Variants in BNIPL observed in about 807,000 individuals in gnomAD.
The protein encoded by BNIPL is BCL2 interacting protein like.
In BNIPL, 33 loss-of-function variants were observed where a neutral mutation model predicts 47.0. The observed-to-expected ratio is 0.70, with a 90% CI of 0.53 to 0.94. The LOEUF (loss-of-function observed/expected upper bound fraction) is 0.94, where lower values mean the gene tolerates loss of function less well. BNIPL is among the 40% of genes least tolerant of loss of function. The pLI is 0.00. For synonymous variants in BNIPL, 145 were observed against 162.7 expected (o/e 0.89, Z 0.83); for missense variants, 404 against 445.2 (o/e 0.91, Z 0.83).
At chr1:151,044,790 T>TC (rs1056865807) in intron 7 of BNIPL, 17 of 1,257,574 alleles carry the variant, frequency 1.4e-5, no homozygotes, top group Middle Eastern at 4.5e-4. Flanking sequence ...TTTTTTTTTT[T>TC]CCCCTTTTGG....
Position 151,036,688 on chromosome 1 carries a change from C to T in BNIPL, c.-38C>T. On this transcript the variant is annotated 5_prime_UTR_variant, in exon 1 of 10. Coordinates refer to ENST00000368931, the MANE Select transcript of BNIPL (RefSeq NM_138278.4). ...GGGACAACCAGCTCCCCAACAACTC[C>T]TAGGTGTTTAAAGAAGGAGGCAGGA... is the stretch of plus-strand genomic sequence containing the variant. 1 of 1,579,232 alleles carries T rather than the reference C, an allele frequency of 6.3e-7. No individual in the cohort carries two copies.
chr1:151,046,447 C>T (rs1044022327), intron 9 of BNIPL, among the ~76,000 whole-genome samples: 1 of 149,158 alleles, frequency 6.7e-6, no homozygotes, highest in Non-Finnish European at 1.5e-5. Context: ...TCAGACTGGC[C>T]CTAGAAATTA....
At position 151,045,129 on chromosome 1, in the gene BNIPL, A is replaced by C. The variant is rs587680659; in HGVS notation, c.852-668A>C. 6.7e-4 allele frequency: 196 copies of C among 294,296 alleles called. 2 individuals are homozygous for C. The South Asian group carries it at 7.9e-3, about 12-fold the overall frequency. The allele number at this position is 294,296 out of a possible 1,614,324, so 18.2% of individuals were successfully genotyped here. The stretch of plus-strand genomic sequence containing the variant: ...AAAAAAATACAAAAATTAGCTGGGC[A>C]TGGTGGCATGTGCCTATAATCCCAG... On this transcript the variant is annotated intron_variant, in intron 7 of 9. Transcript: ENST00000368931.
intron 7 of BNIPL, chr1:151,045,558 C>CAAAAAAA (rs587769189): frequency 2.0e-5 from 5 of 249,954 alleles, no homozygotes; most frequent in Admixed American, 8.9e-5. Context: ...GACTCCGTCT[C>CAAAAAAA]AAAAAAAAAA....
chr1:151,042,427 T>C (rs930288990), intron 4 of BNIPL, among the ~76,000 whole-genome samples: 2 of 151,878 alleles, frequency 1.3e-5, no homozygotes, highest in African/African-American at 4.8e-5. Context: ...TTGAGTTCCC[T>C]TTTGAATCTG....
chr1:151,036,677 C>G lies in BNIPL; in HGVS notation c.-49C>G. ...TGTTGGGGGCTGGGACAACCAGCTC[C>G]CCAACAACTCCTAGGTGTTTAAAGA... On this transcript the variant is annotated 5_prime_UTR_variant, in exon 1 of 10. Transcript: ENST00000368931. 1 of 1,541,886 alleles carries G rather than the reference C, an allele frequency of 6.5e-7. No individual in the cohort carries two copies. The highest frequency in any genetic ancestry group is 9.0e-7 in the Non-Finnish European group (1 of 1,114,612).
intron 3 of BNIPL, 26 bp from the exon 4 acceptor site, chr1:151,038,770 G>A: frequency 6.4e-7 from 1 of 1,558,984 alleles, no homozygotes; most frequent in Non-Finnish European, 8.7e-7. Context: ...CACCCATCTT[G>A]GTTCTCTTTT....
intron 2 of BNIPL, 119 bp from the exon 3 acceptor site, chr1:151,038,381 CAATT>C (rs1675701748): frequency 2.6e-6 from 2 of 777,398 alleles, no homozygotes; most frequent in African/African-American, 1.8e-5. Context: ...CTCAAAAAAA[CAATT>C]AAAAAAAAAA....
chr1:151,040,142 C>T (rs942000952), intron 4 of BNIPL, among the ~76,000 whole-genome samples: 6 of 152,108 alleles, frequency 3.9e-5, no homozygotes, highest in Non-Finnish European at 8.8e-5. Context: ...TAAGGTATTA[C>T]GTTTGTTATG....
chr1:151,046,958 TTTTTTTG>T lies in BNIPL; in HGVS notation c.*286_*292del, dbSNP rs1244879511. On this transcript the variant is annotated 3_prime_UTR_variant, in exon 10 of 10. Coordinates refer to ENST00000368931, the MANE Select transcript of BNIPL (RefSeq NM_138278.4). ...TGTATGGGATATGCAGAGCTCTGGG[TTTTTTTG>T]TTTTTTGTTTTTTGAGACGGAGTCT... 4 of 321,494 alleles carry T rather than the reference TTTTTTTG, an allele frequency of 1.2e-5. No individual in the cohort carries two copies. Among genetic ancestry groups the T allele is most frequent in the African/African-American group, 2.2e-5 (1 of 46,216 alleles). 19.9% of individuals were successfully genotyped at this position (321,494 alleles called of 1,614,324 possible). A position where few individuals can be genotyped will look rare whatever the true frequency, so the allele number is the denominator to read the frequency against.
intron 7 of BNIPL, among the ~76,000 whole-genome samples, chr1:151,044,307 A>G (rs1675931767): frequency 6.6e-6 from 1 of 152,096 alleles, no homozygotes; most frequent in South Asian, 2.1e-4. Context: ...TTATCTGTAA[A>G]ATGGCAATAG....
Position 151,038,785 on chromosome 1 carries a change from C to T in BNIPL, c.203-11C>T. 1 of 1,562,906 alleles carries T rather than the reference C, an allele frequency of 6.4e-7. No individual in the cohort carries two copies. ...CACCCATCTTGGTTCTCTTTTTCCCCCTTTCTCCAGCTGCAGGTACCCCCA... is the reference window on the plus strand; with the variant it reads ...CACCCATCTTGGTTCTCTTTTTCCCTCTTTCTCCAGCTGCAGGTACCCCCA... On this transcript the variant is annotated splice_polypyrimidine_tract_variant and intron_variant, in intron 3 of 9. Transcript: ENST00000368931.
intron 1 of BNIPL, 148 bp downstream of exon 1, chr1:151,036,914 G>T (rs929844175): frequency 1.6e-5 from 12 of 740,650 alleles, no homozygotes; most frequent in Non-Finnish European, 2.6e-5. Context: ...GATGAGGGTG[G>T]TTTTAGGTAG....
intron 7 of BNIPL, among the ~76,000 whole-genome samples, chr1:151,044,464 C>A (rs1432655961): frequency 1.3e-5 from 2 of 152,038 alleles, no homozygotes; most frequent in African/African-American, 2.4e-5. Context: ...TCATCACTGA[C>A]CTATGTGTCT....
At chr1:151,036,824 T>A in intron 1 of BNIPL, 58 bp downstream of exon 1, 1 of 1,503,418 alleles carries the variant, frequency 6.7e-7, no homozygotes, top group South Asian at 1.1e-5. Flanking sequence ...CCGGAGAGAC[T>A]TCCCCACCAC....
rs762542821 is a variant in BNIPL at position 151,038,568 on chromosome 1, G to A, written c.202G>A (p.Ala68Thr). The change falls in exon 3 of 10, where the codon GCT becomes ACT. Residue 68 changes from alanine to threonine, a missense_variant and splice_region_variant. Ala to Thr is a moderately conservative substitution (Grantham distance 58). Transcript: ENST00000368931. ...AGACCCTAAAGGAGATTCACAGGCA[G>A]GTAGGTCAAGTAGAAACCAGGCCTC... ...PEDPKGDSQA[A>T]AGTPSTLALC... The A allele has an allele frequency of 6.2e-7, 1 of 1,613,124 alleles. No homozygotes were observed. Among genetic ancestry groups the A allele is most frequent in the Non-Finnish European group, 8.5e-7 (1 of 1,179,106 alleles).
At chr1:151,041,681 A>C (rs1282644794) in intron 4 of BNIPL, among the ~76,000 whole-genome samples, 1 of 152,222 alleles carries the variant, frequency 6.6e-6, no homozygotes, top group East Asian at 1.9e-4. Flanking sequence ...ATTCATCAAT[A>C]CAGGAAATAT....
chr1:151,046,559 C>G (rs1571845510), intron 9 of BNIPL, 92 bp from the exon 10 acceptor site: 1 of 1,209,826 alleles, frequency 8.3e-7, no homozygotes, highest in East Asian at 2.4e-5. Context: ...TCTAGCTCTT[C>G]CAATTCACCT....
At chr1:151,043,552 T>C in intron 6 of BNIPL, 44 bp from the exon 7 acceptor site, 1 of 1,586,350 alleles carries the variant, frequency 6.3e-7, no homozygotes, top group Non-Finnish European at 8.7e-7. Context: ...TCTCACTCTC[T>C]GAAGCCCCTA....
Sources: allele counts gnomAD v4.1 joint callset (sites outside exome capture counted in the v4.1 genomes callset), GRCh38; gene constraint gnomAD v4.1.1; transcripts MANE v1.5; gene names NCBI Gene and HGNC (gene_info 2026-07-23, HGNC 2026-07-21).